Variants in BABAM2 observed in about 807,000 individuals in gnomAD.
BABAM2 encodes the protein BRISC and BRCA1 A complex member 2.
Under a neutral mutation model 54.7 loss-of-function variants are expected in BABAM2, and 31 were observed. The observed-to-expected ratio is 0.57, with a 90% CI of 0.43 to 0.77. The LOEUF (loss-of-function observed/expected upper bound fraction) is 0.77. Ranked by LOEUF, BABAM2 falls within the 30% of genes least tolerant of loss-of-function variation. BABAM2 has a pLI of 0.00. For missense variants in BABAM2, 364 were observed against 455.8 expected (o/e 0.80, Z 1.83); for synonymous variants, 167 against 162.9 (o/e 1.03, Z -0.19).
intron 7 of BABAM2, among the ~76,000 whole-genome samples, chr2:28,156,095 A>G (rs1052232759): frequency 1.3e-5 from 2 of 152,184 alleles, no homozygotes; most frequent in African/African-American, 4.8e-5. Flanking sequence ...TTGGGGTAAG[A>G]ACAGGTATAT....
intron 2 of BABAM2, among the ~76,000 whole-genome samples, chr2:27,924,125 C>A (rs375919556): frequency 2.6e-5 from 4 of 152,126 alleles, no homozygotes; most frequent in African/African-American, 7.2e-5. Context: ...TGGAATCATA[C>A]TATTTCCATG....
chr2:28,248,434 C>G (rs1234946262), intron 10 of BABAM2, among the ~76,000 whole-genome samples: 1 of 151,880 alleles, frequency 6.6e-6, no homozygotes, highest in Non-Finnish European at 1.5e-5. Context: ...GTCTCAAACT[C>G]CCGACCTCAG....
At chr2:27,936,276 A>G (rs983306177) in intron 3 of BABAM2, among the ~76,000 whole-genome samples, 3 of 152,310 alleles carry the variant, frequency 2.0e-5, no homozygotes, top group South Asian at 2.1e-4. Flanking sequence ...TAGAATGGCA[A>G]TGATTAAAAA....
chr2:28,127,785 T>C (rs1669684467), intron 6 of BABAM2, among the ~76,000 whole-genome samples: 2 of 150,740 alleles, frequency 1.3e-5, no homozygotes, highest in Non-Finnish European at 2.9e-5. Context: ...GAAGATACAA[T>C]GTCAAGCTCA....
At chr2:27,894,306 AGTTCCTTCT>A (rs1284568762) in intron 1 of BABAM2, among the ~76,000 whole-genome samples, 1 of 152,134 alleles carries the variant, frequency 6.6e-6, no homozygotes, top group Non-Finnish European at 1.5e-5. Flanking sequence ...GTATTTCAGG[AGTTCCTTCT>A]GTTCCTGAAA....
intron 6 of BABAM2, among the ~76,000 whole-genome samples, chr2:28,127,433 G>A (rs1318882186): frequency 6.6e-6 from 1 of 152,126 alleles, no homozygotes; most frequent in Non-Finnish European, 1.5e-5. Flanking sequence ...ATCGTTGTGG[G>A]CTAAGGGTAA....
At chr2:28,131,710 G>A (rs886876443) in intron 7 of BABAM2, among the ~76,000 whole-genome samples, 2 of 152,188 alleles carry the variant, frequency 1.3e-5, no homozygotes, top group Admixed American at 6.5e-5. Flanking sequence ...ACAGTTCATA[G>A]GAGAAGAACG....
At position 28,273,438 on chromosome 2, in the gene BABAM2, G is replaced by A. The variant is rs189024204; in HGVS notation, c.935-24900G>A. ...TGTGGTTTTAATAAAATAGCTTCAG[G>A]CCAGGCCCAGTGGCTCACGCCTCTA... On this transcript the variant is annotated intron_variant, in intron 10 of 11. Transcript: ENST00000379624. Among the ~76,000 whole-genome samples the A allele has an allele frequency of 1.9e-3, 296 of 152,312 alleles. 1 individual carries two copies. The highest frequency in any genetic ancestry group is 6.8e-3 in the African/African-American group (283 of 41,562).
chr2:28,129,210 T>G, intron 6 of BABAM2, 61 bp from the exon 7 acceptor site: 1 of 1,459,856 alleles, frequency 6.8e-7, no homozygotes, highest in Non-Finnish European at 9.6e-7. Context: ...ACTGTGAGCT[T>G]GACACTAATA....
chr2:28,284,621 T>G (rs1686644569), intron 10 of BABAM2, among the ~76,000 whole-genome samples: 2 of 152,208 alleles, frequency 1.3e-5, no homozygotes, highest in South Asian at 4.1e-4. Context: ...TCTAGAGCTA[T>G]GATTTTTTAT....
intron 3 of BABAM2, among the ~76,000 whole-genome samples, chr2:27,946,032 C>G (rs1340611773): frequency 6.6e-6 from 1 of 151,960 alleles, no homozygotes; most frequent in East Asian, 1.9e-4. Context: ...TTTTATTGTA[C>G]TATCTAGTGC....
At chr2:27,951,032 C>A (rs1160657316) in intron 3 of BABAM2, among the ~76,000 whole-genome samples, 1 of 152,038 alleles carries the variant, frequency 6.6e-6, no homozygotes, top group Non-Finnish European at 1.5e-5. Flanking sequence ...CCTTTCTCCC[C>A]CGCAACTGTT....
intron 6 of BABAM2, among the ~76,000 whole-genome samples, chr2:28,120,313 T>C (rs757586550): frequency 6.6e-6 from 1 of 152,208 alleles, no homozygotes; most frequent in African/African-American, 2.4e-5. Flanking sequence ...CATACAGTAT[T>C]TAGAAACTAA....
intron 6 of BABAM2, among the ~76,000 whole-genome samples, chr2:28,089,562 T>A (rs1403649408): frequency 6.6e-6 from 1 of 152,230 alleles, no homozygotes; most frequent in Non-Finnish European, 1.5e-5. Flanking sequence ...TTTGAAGTTA[T>A]GATAACCTGA....
At chr2:28,011,378 G>GT in intron 4 of BABAM2, among the ~76,000 whole-genome samples, 1 of 152,092 alleles carries the variant, frequency 6.6e-6, no homozygotes, top group South Asian at 2.1e-4. Context: ...ATAGCTGCAT[G>GT]TGGCTGTTAT....
At chr2:28,107,011 C>T (rs1050652031) in intron 6 of BABAM2, among the ~76,000 whole-genome samples, 1 of 152,144 alleles carries the variant, frequency 6.6e-6, no homozygotes, top group African/African-American at 2.4e-5. Context: ...ACTTCCTTCT[C>T]TGAAAGTGAT....
Position 28,112,106 on chromosome 2 carries a change from T to C in BABAM2, c.571-17165T>C, listed in dbSNP as rs571359256. Among the ~76,000 whole-genome samples the C allele has an allele frequency of 5.5e-3, 49 of 8,940 alleles. 1 individual carries two copies. Among genetic ancestry groups the C allele is most frequent in the African/African-American group, 0.024 (49 of 2,042 alleles). 5.9% of individuals were successfully genotyped at this position (8,940 alleles called of 152,430 possible). On this transcript the variant is annotated intron_variant, in intron 6 of 11. Coordinates refer to ENST00000379624, the MANE Select transcript of BABAM2 (RefSeq NM_199191.3). ...TACTCTTTCTTTCTTTCTTTCTTTCTTTCTTTCTTTCTTTCTTTCTTTCTT... is the reference window on the plus strand; with the variant it reads ...TACTCTTTCTTTCTTTCTTTCTTTCCTTCTTTCTTTCTTTCTTTCTTTCTT...
chr2:28,232,636 A>G (rs1174348844), intron 7 of BABAM2, among the ~76,000 whole-genome samples: 1 of 152,224 alleles, frequency 6.6e-6, no homozygotes, highest in Non-Finnish European at 1.5e-5. Flanking sequence ...ACTGAATACT[A>G]CAGGCAATTG....
chr2:27,903,363 G>GTTT (rs1665952089), intron 2 of BABAM2, among the ~76,000 whole-genome samples: 1 of 152,084 alleles, frequency 6.6e-6, no homozygotes, highest in African/African-American at 2.4e-5. Context: ...TTCTACATAC[G>GTTT]TTTTTGTAAC....
Sources: allele counts gnomAD v4.1 joint callset (sites outside exome capture counted in the v4.1 genomes callset), GRCh38; gene constraint gnomAD v4.1.1; transcripts MANE v1.5; gene names NCBI Gene and HGNC (gene_info 2026-07-23, HGNC 2026-07-21).